Variants in NCEH1 observed in about 807,000 individuals in gnomAD.
NCEH1 encodes neutral cholesterol ester hydrolase 1, also known as 2-acetyl MAGE hydrolase.
In NCEH1, 9 loss-of-function variants were observed where a neutral mutation model predicts 25.4. The ratio of observed to expected loss-of-function variants is 0.35; its 90% confidence interval spans 0.21 to 0.62. NCEH1 has a LOEUF of 0.62. NCEH1 is among the 20% of genes least tolerant of loss of function. The pLI, the probability that NCEH1 is intolerant of heterozygous loss-of-function variation, is 0.72. For missense variants in NCEH1, 412 were observed against 501.1 expected (o/e 0.82, Z 1.70); for synonymous variants, 200 against 199.8 (o/e 1.00, Z -0.01).
chr3:172,703,900 A>C (rs1713838558), intron 1 of NCEH1, among the ~76,000 whole-genome samples: 1 of 152,226 alleles, frequency 6.6e-6, no homozygotes. Flanking sequence ...CCCTGACACT[A>C]TTCTTAAAAC....
At chr3:172,687,166 T>C (rs1712745901) in intron 1 of NCEH1, among the ~76,000 whole-genome samples, 1 of 152,174 alleles carries the variant, frequency 6.6e-6, no homozygotes, top group Non-Finnish European at 1.5e-5. Flanking sequence ...GTTTTGTTGA[T>C]GGTTTATTTT....
At position 172,661,040 on chromosome 3, in the gene NCEH1, C is replaced by T. The variant is rs370314983; in HGVS notation, c.139-12926G>A. ...GCTTTTGGTGTTTTAGTCATGAAGC[C>T]CTTGCCCATGCCTATGTCCCTGAAT... On this transcript the variant is annotated intron_variant, in intron 1 of 4. Coordinates refer to ENST00000475381, the MANE Select transcript of NCEH1 (RefSeq NM_020792.6). 2.0e-5 allele frequency among the ~76,000 whole-genome samples: 3 copies of T among 152,022 alleles called. No homozygotes were observed. The East Asian group carries it at 5.8e-4, about 29-fold the overall frequency.
chr3:172,710,992 T>C lies in NCEH1; in HGVS notation c.-8A>G, dbSNP rs2276805. 1,067,959 of 1,613,778 alleles carry C rather than the reference T, an allele frequency of 0.66. 362,165 individuals carry two copies. Among genetic ancestry groups the C allele is most frequent in the Admixed American group, 0.78 (46,524 of 60,006 alleles). On this transcript the variant is annotated 5_prime_UTR_variant, in exon 1 of 5. Coordinates refer to ENST00000475381, the MANE Select transcript of NCEH1 (RefSeq NM_020792.6). The stretch of plus-strand genomic sequence containing the variant: ...GACACAGGACGACCTCATCTTGCCC[T>C]GGCTCGGCTCGCCAGCGGGCTGGCA...
At chr3:172,667,957 A>G (rs1043315508) in intron 1 of NCEH1, among the ~76,000 whole-genome samples, 1 of 152,202 alleles carries the variant, frequency 6.6e-6, no homozygotes, top group African/African-American at 2.4e-5. Context: ...GAACCATTTG[A>G]GGATCCCCCT....
At chr3:172,636,730 C>T (rs977637683) in intron 3 of NCEH1, among the ~76,000 whole-genome samples, 1 of 152,242 alleles carries the variant, frequency 6.6e-6, no homozygotes, top group Non-Finnish European at 1.5e-5. Context: ...GCTTCTCCAA[C>T]TGGCCCCACT....
chr3:172,710,518 A>G (rs1714241746), intron 1 of NCEH1, among the ~76,000 whole-genome samples: 1 of 152,228 alleles, frequency 6.6e-6, no homozygotes, highest in South Asian at 2.1e-4. Context: ...GGTGGTTTAT[A>G]AACTGCTTAA....
intron 1 of NCEH1, among the ~76,000 whole-genome samples, chr3:172,693,482 G>A (rs746156414): frequency 6.6e-6 from 1 of 151,732 alleles, no homozygotes; most frequent in African/African-American, 2.4e-5. Context: ...AATGGGAGGG[G>A]GTGGTTAGAG....
At chr3:172,662,902 C>CA (rs202187454) in intron 1 of NCEH1, among the ~76,000 whole-genome samples, 30,065 of 151,934 alleles carry the variant, frequency 0.2, 3,288 homozygotes, top group Middle Eastern at 0.26. Flanking sequence ...TTGATCCTTT[C>CA]AAAAAACCAG....
rs1031086839 is a variant in NCEH1, at chr3:172,632,245, G to A, written c.*1230C>T. On this transcript the variant is annotated 3_prime_UTR_variant, in exon 5 of 5. Coordinates refer to ENST00000475381, the MANE Select transcript of NCEH1 (RefSeq NM_020792.6). ...TGCATATAAACACGAAAATATTTAT[G>A]CCTATGTTATAGTAGTATTAATAGC... 1 of 152,172 alleles carries A rather than the reference G, an allele frequency of 6.6e-6. No individual in the cohort carries two copies. The highest frequency in any genetic ancestry group is 1.5e-5 in the Non-Finnish European group (1 of 68,038). 9.4% of individuals were successfully genotyped at this position (152,172 alleles called of 1,614,324 possible).
intron 1 of NCEH1, 61 bp downstream of exon 1, chr3:172,710,786 T>A: frequency 1.3e-6 from 2 of 1,579,476 alleles, no homozygotes; most frequent in Non-Finnish European, 1.7e-6. Context: ...AGGAATTTTG[T>A]ATCCCCTTCA....
intron 1 of NCEH1, among the ~76,000 whole-genome samples, chr3:172,649,067 C>T (rs1001365686): frequency 1.3e-5 from 2 of 152,100 alleles, no homozygotes; most frequent in Admixed American, 6.5e-5. Flanking sequence ...ATGATGTCTG[C>T]GATGTGGCAC....
intron 1 of NCEH1, among the ~76,000 whole-genome samples, chr3:172,661,772 T>C (rs1407547649): frequency 7.9e-6 from 1 of 126,568 alleles, no homozygotes; most frequent in East Asian, 2.2e-4. Flanking sequence ...GCCTCTCTGT[T>C]TGTCTCTTAT....
At chr3:172,681,393 A>C (rs967638503) in intron 1 of NCEH1, among the ~76,000 whole-genome samples, 2 of 152,068 alleles carry the variant, frequency 1.3e-5, no homozygotes, top group Admixed American at 1.3e-4. Flanking sequence ...GTCTTGCCCC[A>C]AATTTTCAAA....
rs1716365404 is a variant in NCEH1 at position 172,631,767 on chromosome 3, G to A, written c.*1708C>T. The A allele has an allele frequency of 6.6e-6, 1 of 152,316 alleles. No individual in the cohort carries two copies. Among genetic ancestry groups the A allele is most frequent in the African/African-American group, 2.4e-5 (1 of 41,378 alleles). 9.4% of individuals were successfully genotyped at this position (152,316 alleles called of 1,614,324 possible). On this transcript the variant is annotated 3_prime_UTR_variant, in exon 5 of 5. Transcript: ENST00000475381. ...ATTTGTTATTTCGTTGCTGGAAGTG[G>A]GAAATACCCCATCTTCCCAGGAGTG...
At chr3:172,699,337 A>G (rs1473258561) in intron 1 of NCEH1, among the ~76,000 whole-genome samples, 6 of 152,210 alleles carry the variant, frequency 3.9e-5, no homozygotes, top group Non-Finnish European at 7.3e-5. Context: ...GCCAGGTTGT[A>G]GCAAGCACCA....
chr3:172,659,097 A>G (rs2108504611), intron 1 of NCEH1, among the ~76,000 whole-genome samples: 1 of 152,220 alleles, frequency 6.6e-6, no homozygotes, highest in South Asian at 2.1e-4. Context: ...GAACCCAAGC[A>G]TTCTGGCTCC....
At chr3:172,688,524 A>G (rs542292780) in intron 1 of NCEH1, among the ~76,000 whole-genome samples, 1 of 152,264 alleles carries the variant, frequency 6.6e-6, no homozygotes, top group African/African-American at 2.4e-5. Context: ...GGAAATAACA[A>G]AAGAAATGGA....
intron 1 of NCEH1, among the ~76,000 whole-genome samples, chr3:172,676,772 T>C (rs1240218188): frequency 2.6e-5 from 4 of 152,172 alleles, no homozygotes; most frequent in Non-Finnish European, 5.9e-5. Flanking sequence ...ATCGGAGCCA[T>C]GTCATTTACA....
intron 3 of NCEH1, among the ~76,000 whole-genome samples, chr3:172,640,739 C>T (rs967877517): frequency 6.6e-6 from 1 of 152,166 alleles, no homozygotes; most frequent in South Asian, 2.1e-4. Flanking sequence ...GATCTCCTGA[C>T]CTCGTGATCC....
Sources: gnomAD v4.1 joint callset for allele counts (sites outside exome capture counted in the v4.1 genomes callset) on GRCh38, gnomAD v4.1.1 for gene constraint, MANE v1.5 for transcripts, NCBI Gene and HGNC (gene_info 2026-07-23, HGNC 2026-07-21) for gene names.